TBC1D5: variants seen among roughly 807,000 people sequenced by gnomAD.
The protein encoded by TBC1D5 is TBC1 domain family, member 5.
A neutral mutation model predicts 100.3 loss-of-function variants in TBC1D5; 75 were observed. That is an observed-to-expected ratio of 0.75 (90% CI 0.62 to 0.91). TBC1D5 has a LOEUF of 0.91. TBC1D5 is among the 40% of genes least tolerant of loss of function. The pLI is 0.00. For missense variants in TBC1D5, 910 were observed against 942.4 expected (o/e 0.97, Z 0.45); for synonymous variants, 323 against 325.6 (o/e 0.99, Z 0.09).
chr3:17,710,058 A>G (rs1299452144), intron 1 of TBC1D5, among the ~76,000 whole-genome samples: 1 of 152,236 alleles, frequency 6.6e-6, no homozygotes, highest in Non-Finnish European at 1.5e-5. Flanking sequence ...ACATTTTGTA[A>G]TAAGTAATCA....
chr3:17,413,357 C>A (rs899071649), intron 4 of TBC1D5, among the ~76,000 whole-genome samples: 4 of 152,088 alleles, frequency 2.6e-5, no homozygotes, highest in Admixed American at 2.6e-4. Flanking sequence ...AATTATTTCT[C>A]AAAAAATAAA....
exon 22 of TBC1D5, chr3:17,159,029 C>CAA (rs2065819230): frequency 6.6e-6 from 1 of 152,252 alleles, no homozygotes; most frequent in Non-Finnish European, 1.5e-5. Flanking sequence ...GCGGCTTTTA[C>CAA]AAAGTGTTGT....
chr3:17,658,458 A>C (rs2066318490), intron 1 of TBC1D5, among the ~76,000 whole-genome samples: 1 of 152,174 alleles, frequency 6.6e-6, no homozygotes, highest in Non-Finnish European at 1.5e-5. Context: ...CATGAGATGA[A>C]GCTTCAGGAT....
At chr3:17,507,890 T>C (rs1407725906) in intron 3 of TBC1D5, among the ~76,000 whole-genome samples, 1 of 152,162 alleles carries the variant, frequency 6.6e-6, no homozygotes, top group African/African-American at 2.4e-5. Context: ...AGTAGAGTTC[T>C]GATACATAAA....
rs1034171435 is a variant in TBC1D5 at position 17,685,116 on chromosome 3, A to T, written c.-101+54227T>A. ...AAGTGACTCTAAAATGAGTATGCAC[A>T]TAATACACAAACATTCTACCACTGG... On this transcript the variant is annotated intron_variant, in intron 1 of 21. Coordinates refer to ENST00000253692, the Ensembl canonical transcript of TBC1D5. 7.2e-5 allele frequency among the ~76,000 whole-genome samples: 11 copies of T among 152,182 alleles called. No individual in the cohort carries two copies. In the South Asian group the frequency reaches 1.9e-3, roughly 26 times the overall value.
intron 2 of TBC1D5, among the ~76,000 whole-genome samples, chr3:17,551,479 G>A (rs527528802): frequency 3.2e-4 from 49 of 152,132 alleles, no homozygotes; most frequent in African/African-American, 1.2e-3. Context: ...GACCAATCAC[G>A]GATGAGCTGG....
At chr3:17,502,956 G>A (rs1461651694) in intron 3 of TBC1D5, among the ~76,000 whole-genome samples, 1 of 149,482 alleles carries the variant, frequency 6.7e-6, no homozygotes, top group Non-Finnish European at 1.5e-5. Context: ...TTCCAGTACA[G>A]GCCACTATCA....
chr3:17,172,782 A>AT (rs1310887881), intron 19 of TBC1D5, among the ~76,000 whole-genome samples: 2 of 152,148 alleles, frequency 1.3e-5, no homozygotes, highest in Admixed American at 6.5e-5. Context: ...TAAAAACTTG[A>AT]TTTTTTTCAA....
At chr3:17,703,278 T>C (rs950866481) in intron 1 of TBC1D5, among the ~76,000 whole-genome samples, 2 of 151,908 alleles carry the variant, frequency 1.3e-5, no homozygotes, top group Non-Finnish European at 2.9e-5. Context: ...TCAAGTCTTT[T>C]CTGTGGAGAA....
chr3:17,608,780 T>C (rs536997658), intron 2 of TBC1D5, among the ~76,000 whole-genome samples: 15 of 152,142 alleles, frequency 9.9e-5, no homozygotes, highest in Non-Finnish European at 1.9e-4. Flanking sequence ...CATGGGGGGT[T>C]GAGGAGCAGG....
intron 17 of TBC1D5, among the ~76,000 whole-genome samples, chr3:17,231,977 C>T (rs921005226): frequency 3.3e-5 from 5 of 152,054 alleles, no homozygotes; most frequent in Admixed American, 3.3e-4. Context: ...AAAGGTAATG[C>T]CCAACCAACC....
At chr3:17,291,020 A>G (rs918321792) in intron 15 of TBC1D5, among the ~76,000 whole-genome samples, 1 of 152,262 alleles carries the variant, frequency 6.6e-6, no homozygotes, top group African/African-American at 2.4e-5. Flanking sequence ...TGGAGGCCCA[A>G]GTTGATCAGA....
At chr3:17,435,052 C>A (rs1302317586) in intron 3 of TBC1D5, among the ~76,000 whole-genome samples, 2 of 152,184 alleles carry the variant, frequency 1.3e-5, no homozygotes, top group East Asian at 3.9e-4. Flanking sequence ...CTGAGACAAC[C>A]TCAGCCTGGA....
At chr3:17,206,484 C>T (rs1045166127) in intron 18 of TBC1D5, among the ~76,000 whole-genome samples, 2 of 152,252 alleles carry the variant, frequency 1.3e-5, no homozygotes, top group South Asian at 2.1e-4. Flanking sequence ...CTTTCAAATT[C>T]GTTTTCATTT....
intron 19 of TBC1D5, among the ~76,000 whole-genome samples, chr3:17,170,396 G>A (rs1054362617): frequency 6.6e-6 from 1 of 152,152 alleles, no homozygotes; most frequent in Admixed American, 6.5e-5. Flanking sequence ...TGGGTTCAAG[G>A]AACTAAAGAA....
chr3:17,215,302 G>T (rs2073499109), intron 17 of TBC1D5, among the ~76,000 whole-genome samples: 1 of 152,142 alleles, frequency 6.6e-6, no homozygotes, highest in African/African-American at 2.4e-5. Context: ...ATCATGACTT[G>T]GTGGTGAGAG....
At chr3:17,452,646 G>A (rs2094954646) in intron 3 of TBC1D5, among the ~76,000 whole-genome samples, 1 of 152,036 alleles carries the variant, frequency 6.6e-6, no homozygotes, top group South Asian at 2.1e-4. Flanking sequence ...ATCCAGTACT[G>A]AGCATCCAAC....
intron 1 of TBC1D5, among the ~76,000 whole-genome samples, chr3:17,648,876 GTGGGAA>G (rs1171998235): frequency 6.6e-6 from 1 of 152,180 alleles, no homozygotes; most frequent in Non-Finnish European, 1.5e-5. Flanking sequence ...TACACTGTTG[GTGGGAA>G]TGTACATTAG....
At chr3:17,272,211 T>C (rs2470347) in intron 15 of TBC1D5, among the ~76,000 whole-genome samples, 2 of 151,990 alleles carry the variant, frequency 1.3e-5, no homozygotes, top group South Asian at 2.1e-4. Context: ...TTAATGATTA[T>C]TGATATCTAG....
Sources: gnomAD v4.1 joint callset for allele counts (sites outside exome capture counted in the v4.1 genomes callset) on GRCh38, gnomAD v4.1.1 for gene constraint, MANE v1.5 for transcripts, NCBI Gene and HGNC (gene_info 2026-07-23, HGNC 2026-07-21) for gene names.